AGAP1: variants seen among roughly 807,000 people sequenced by gnomAD.
AGAP1 encodes the protein ArfGAP with GTPase domain, ankyrin repeat and PH domain 1, also known as arf-GAP with GTPase, ANK repeat and PH domain-containing protein 1.
AGAP1 carries 29 observed loss-of-function variants against 105.3 expected under a neutral mutation model. The ratio of observed to expected loss-of-function variants is 0.28; its 90% confidence interval spans 0.21 to 0.38. AGAP1 has a LOEUF of 0.38. Among genes scored for constraint, AGAP1 ranks in the 10% least tolerant of loss-of-function variants. AGAP1 has a pLI of 1.00. For synonymous variants in AGAP1, 509 were observed against 485.9 expected, an observed-to-expected ratio of 1.05 and a Z score of -0.63; for missense variants, 998 against 1,165.1, an observed-to-expected ratio of 0.86 and a Z score of 2.09.
At position 235,596,362 on chromosome 2, in the gene AGAP1, A is replaced by G. The variant is rs1272288853; in HGVS notation, c.163+101513A>G. Among the ~76,000 whole-genome samples, 1 of 152,244 alleles carries G rather than the reference A, an allele frequency of 6.6e-6. No individual in the cohort carries two copies. Among genetic ancestry groups the G allele is most frequent in the Non-Finnish European group, 1.5e-5 (1 of 68,046 alleles). On this transcript the variant is annotated intron_variant, in intron 1 of 17. Coordinates refer to ENST00000304032, the MANE Select transcript of AGAP1 (RefSeq NM_001037131.3). This position sits in a 1 kb window ranked among gnomAD's most constrained non-coding sequence, Gnocchi z 5.9. Reference sequence around the variant, plus strand: ...TCAGACTGGAGCCCCAAGGACCTTGAGGACAGGAGTCTACCTGGGGAGGGG... The same window carrying G: ...TCAGACTGGAGCCCCAAGGACCTTGGGGACAGGAGTCTACCTGGGGAGGGG...
intron 10 of AGAP1, among the ~76,000 whole-genome samples, chr2:235,886,225 G>A (rs1257865948): frequency 1.3e-5 from 2 of 152,226 alleles, no homozygotes; most frequent in Non-Finnish European, 2.9e-5. Flanking sequence ...TGAACCAGTC[G>A]CTTTATGTAA....
At chr2:235,656,124 C>T (rs1051026600) in intron 1 of AGAP1, among the ~76,000 whole-genome samples, 4 of 152,150 alleles carry the variant, frequency 2.6e-5, no homozygotes, top group African/African-American at 9.7e-5. Context: ...CTCAGGGGGC[C>T]GCTCCTGCTG....
At chr2:235,687,611 C>T (rs2149427797) in intron 1 of AGAP1, among the ~76,000 whole-genome samples, 1 of 152,264 alleles carries the variant, frequency 6.6e-6, no homozygotes, top group East Asian at 1.9e-4. Context: ...ACATGAGGAC[C>T]AGTGTTTGAA....
intron 9 of AGAP1, among the ~76,000 whole-genome samples, chr2:235,881,032 T>C (rs1391899609): frequency 2.0e-5 from 3 of 152,202 alleles, no homozygotes; most frequent in African/African-American, 7.2e-5. Flanking sequence ...TATGCCACAT[T>C]TTGCCACGTT....
At chr2:235,759,132 G>C (rs914165426) in intron 6 of AGAP1, among the ~76,000 whole-genome samples, 16 of 148,418 alleles carry the variant, frequency 1.1e-4, no homozygotes, top group Non-Finnish European at 2.1e-4. Flanking sequence ...AGACATTCTG[G>C]TGTCGTTAGC....
In AGAP1 at chr2:235,612,687, G is replaced by A. The variant is rs1436722635; in HGVS notation, c.164-96492G>A. Among the ~76,000 whole-genome samples the A allele has an allele frequency of 6.6e-6, 1 of 152,098 alleles. No individual in the cohort carries two copies. Among genetic ancestry groups the A allele is most frequent in the Non-Finnish European group, 1.5e-5 (1 of 68,034 alleles). Reference sequence around the variant, plus strand: ...AATCCTGACCAGCGCATCCAGGGTTGCTTGGGCACAGTGGTCCTTTTGCAT... The same window carrying A: ...AATCCTGACCAGCGCATCCAGGGTTACTTGGGCACAGTGGTCCTTTTGCAT... On this transcript the variant is annotated intron_variant, in intron 1 of 17. Coordinates refer to ENST00000304032, the MANE Select transcript of AGAP1 (RefSeq NM_001037131.3). This position sits in a 1 kb window ranked among gnomAD's most constrained non-coding sequence, Gnocchi z 4.3.
chr2:235,542,310 C>T (rs1053696938), intron 1 of AGAP1, among the ~76,000 whole-genome samples: 8 of 152,198 alleles, frequency 5.3e-5, no homozygotes, highest in Non-Finnish European at 8.8e-5. Context: ...GGGCCAGGGA[C>T]TTGGCCTTGG....
intron 1 of AGAP1, among the ~76,000 whole-genome samples, chr2:235,634,205 CAT>C (rs895077214): frequency 6.6e-6 from 1 of 152,236 alleles, no homozygotes; most frequent in African/African-American, 2.4e-5. Flanking sequence ...TAAATTATGG[CAT>C]ATATTCCAGA....
In AGAP1 at chr2:235,714,215, C is replaced by T. The variant is rs558949343; in HGVS notation, c.223-3342C>T. Among the ~76,000 whole-genome samples the T allele has an allele frequency of 9.2e-5, 14 of 152,012 alleles. No homozygotes were observed. The South Asian group carries it at 2.9e-3, about 32-fold the overall frequency. On this transcript the variant is annotated intron_variant, in intron 2 of 17. Transcript: ENST00000304032. This position sits in a 1 kb window ranked among gnomAD's most constrained non-coding sequence, Gnocchi z 4.1. ...TTTTTTAGTTGAGACAGGGTTTCAC[C>T]ATGTTGGCCAGTCTGGTCTTGAACT...
chr2:235,786,706 G>A (rs1239642653), intron 6 of AGAP1, among the ~76,000 whole-genome samples: 3 of 152,212 alleles, frequency 2.0e-5, no homozygotes, highest in African/African-American at 4.8e-5. Context: ...AGGAGAATGT[G>A]CCTGTGACAA....
chr2:235,797,968 A>T, intron 7 of AGAP1, 82 bp downstream of exon 7: 3 of 1,406,618 alleles, frequency 2.1e-6, no homozygotes, highest in Non-Finnish European at 2.9e-6. Flanking sequence ...GCTAAGGTTG[A>T]TTTTTTTTTT....
In AGAP1 at chr2:236,020,501, G is replaced by C. The variant is rs1338612758; in HGVS notation, c.1646-16060G>C. Among the ~76,000 whole-genome samples the C allele has an allele frequency of 6.6e-6, 1 of 152,182 alleles. No homozygotes were observed. The highest frequency in any genetic ancestry group is 1.5e-5 in the Non-Finnish European group (1 of 68,040). On this transcript the variant is annotated intron_variant, in intron 13 of 17. Transcript: ENST00000304032. The surrounding 1 kb of genome is among the most constrained non-coding windows in gnomAD (Gnocchi z 5.0). The stretch of plus-strand genomic sequence containing the variant: ...TTTGGCTAAAAGCGTGAGCTGTGGA[G>C]TCACACACGCCTGGGTCTCATCCCC...
intron 1 of AGAP1, among the ~76,000 whole-genome samples, chr2:235,667,303 G>A (rs1280055073): frequency 6.6e-6 from 1 of 152,162 alleles, no homozygotes; most frequent in Non-Finnish European, 1.5e-5. Context: ...TGAACCAATA[G>A]AAAACCGAGT....
chr2:235,926,164 A>G (rs973361236), intron 11 of AGAP1, among the ~76,000 whole-genome samples: 1 of 152,250 alleles, frequency 6.6e-6, no homozygotes, highest in African/African-American at 2.4e-5. Flanking sequence ...TCAAGAACAG[A>G]AATGAGATTA....
intron 1 of AGAP1, among the ~76,000 whole-genome samples, chr2:235,564,451 T>C (rs1338636183): frequency 6.6e-6 from 1 of 152,184 alleles, no homozygotes; most frequent in Non-Finnish European, 1.5e-5. Context: ...CCCTGCAAAT[T>C]CCATGGAGCC....
intron 13 of AGAP1, among the ~76,000 whole-genome samples, chr2:235,999,574 TA>T (rs2056004284): frequency 1.3e-5 from 1 of 74,494 alleles, no homozygotes. Flanking sequence ...TGATGACCAA[TA>T]TGATATGGTG....
At chr2:235,658,989 C>CT (rs1324696487) in intron 1 of AGAP1, among the ~76,000 whole-genome samples, 3 of 152,224 alleles carry the variant, frequency 2.0e-5, no homozygotes, top group African/African-American at 4.8e-5. Flanking sequence ...TGCTCTCACT[C>CT]TGAAGCAGCC....
At chr2:235,815,129 C>T (rs990457417) in intron 9 of AGAP1, among the ~76,000 whole-genome samples, 1 of 152,130 alleles carries the variant, frequency 6.6e-6, no homozygotes, top group Admixed American at 6.6e-5. Flanking sequence ...CATATGAGAA[C>T]ATTAAGGCTT....
intron 11 of AGAP1, among the ~76,000 whole-genome samples, chr2:235,918,190 C>G (rs148021076): frequency 2.6e-5 from 4 of 152,312 alleles, no homozygotes; most frequent in Admixed American, 6.5e-5. Flanking sequence ...CACATTGGAT[C>G]TTGGTTACAA....
Sources: allele counts gnomAD v4.1 joint callset (sites outside exome capture counted in the v4.1 genomes callset), GRCh38; gene constraint gnomAD v4.1.1; non-coding constraint Gnocchi (gnomAD v3.1); transcripts MANE v1.5; gene names NCBI Gene and HGNC (gene_info 2026-07-23, HGNC 2026-07-21).